Variants in WDR70 observed in about 807,000 individuals in gnomAD.
WDR70 encodes the protein WD repeat-containing protein 70.
Under a neutral mutation model 88.6 loss-of-function variants are expected in WDR70, and 53 were observed. That is an observed-to-expected ratio of 0.60 (90% CI 0.48 to 0.75). The LOEUF (loss-of-function observed/expected upper bound fraction) is 0.75, where lower values mean the gene tolerates loss of function less well. WDR70 is among the 30% of genes least tolerant of loss of function. The probability of loss-of-function intolerance (pLI) is 0.00; values close to 1 mark genes in which losing one functional copy is unlikely to be tolerated. For synonymous variants in WDR70, 280 were observed against 270.0 expected (o/e 1.04, Z -0.36); for missense variants, 610 against 823.2 (o/e 0.74, Z 3.17).
intron 9 of WDR70, among the ~76,000 whole-genome samples, chr5:37,524,697 AAG>A (rs1263195358): frequency 6.6e-6 from 1 of 152,214 alleles, no homozygotes; most frequent in Non-Finnish European, 1.5e-5. Flanking sequence ...AAATTGGATA[AAG>A]AGTCAAGGCC....
At chr5:37,471,490 T>C (rs764675304) in intron 7 of WDR70, among the ~76,000 whole-genome samples, 1 of 151,876 alleles carries the variant, frequency 6.6e-6, no homozygotes, top group Non-Finnish European at 1.5e-5. Flanking sequence ...TAATAGATTT[T>C]AAAAATATGG....
intron 10 of WDR70, among the ~76,000 whole-genome samples, chr5:37,688,567 G>T (rs1746681621): frequency 6.6e-6 from 1 of 152,018 alleles, no homozygotes; most frequent in African/African-American, 2.4e-5. Flanking sequence ...TTAGAGTTTA[G>T]TAGTTGGTAA....
At chr5:37,392,141 C>T in intron 4 of WDR70, 21 bp downstream of exon 4, 1 of 1,593,138 alleles carries the variant, frequency 6.3e-7, no homozygotes, top group Non-Finnish European at 8.5e-7. Context: ...TTCAGAAAGA[C>T]TTCTATTAAA....
intron 8 of WDR70, among the ~76,000 whole-genome samples, chr5:37,492,872 G>A (rs755621061): frequency 1.3e-5 from 2 of 152,176 alleles, no homozygotes; most frequent in Non-Finnish European, 2.9e-5. Context: ...CTGAAAGCAT[G>A]GTATGGAGAA....
intron 7 of WDR70, among the ~76,000 whole-genome samples, chr5:37,450,179 G>C (rs1186008055): frequency 6.6e-6 from 1 of 152,108 alleles, no homozygotes; most frequent in African/African-American, 2.4e-5. Context: ...CCAAGTCTTT[G>C]CTATTGTGAA....
At chr5:37,752,199 G>A (rs1303741976) in intron 17 of WDR70, among the ~76,000 whole-genome samples, 2 of 152,156 alleles carry the variant, frequency 1.3e-5, no homozygotes, top group Non-Finnish European at 2.9e-5. Flanking sequence ...TAGGATGGGT[G>A]AAGTTCCACT....
intron 9 of WDR70, among the ~76,000 whole-genome samples, chr5:37,582,285 A>G (rs1303112881): frequency 2.0e-5 from 3 of 152,206 alleles, no homozygotes; most frequent in South Asian, 2.1e-4. Context: ...AAACCAAACT[A>G]TGAAAGCAAG....
At position 37,398,358 on chromosome 5, in the gene WDR70, G is replaced by GATT. The variant is rs564696240; in HGVS notation, c.492+1789_492+1790insTTA. Reference sequence around the variant, plus strand: ...CCGCCTCGGCCTCCCAAAGTGCTGGGACAGGCGTGAGCCACTGCGCCCGGC... The same window carrying GATT: ...CCGCCTCGGCCTCCCAAAGTGCTGGGATTACAGGCGTGAGCCACTGCGCCCGGC... On this transcript the variant is annotated intron_variant, in intron 5 of 17. Transcript: ENST00000265107. Among the ~76,000 whole-genome samples, 6 of 152,146 alleles carry GATT rather than the reference G, an allele frequency of 3.9e-5. 1 individual carries two copies. Among genetic ancestry groups the GATT allele is most frequent in the Non-Finnish European group, 7.4e-5 (5 of 68,000 alleles).
At chr5:37,656,935 A>G (rs1053887926) in intron 10 of WDR70, among the ~76,000 whole-genome samples, 6 of 152,104 alleles carry the variant, frequency 3.9e-5, no homozygotes, top group African/African-American at 1.4e-4. Flanking sequence ...GCTGAGTTCC[A>G]TGGGGGCGGG....
chr5:37,509,785 G>A (rs1262984728), intron 8 of WDR70, among the ~76,000 whole-genome samples: 1 of 146,388 alleles, frequency 6.8e-6, no homozygotes, highest in Non-Finnish European at 1.5e-5. Context: ...CAGCCCTATA[G>A]ATTCTTTTTT....
chr5:37,589,862 A>G (rs1042259009), intron 9 of WDR70, among the ~76,000 whole-genome samples: 1 of 152,158 alleles, frequency 6.6e-6, no homozygotes, highest in Admixed American at 6.5e-5. Flanking sequence ...TTGGTCTTGC[A>G]GAGTGCAGGG....
intron 8 of WDR70, among the ~76,000 whole-genome samples, chr5:37,497,247 T>C (rs1460961804): frequency 8.7e-6 from 1 of 114,626 alleles, no homozygotes; most frequent in Non-Finnish European, 1.7e-5. Flanking sequence ...CCTCCCTCCC[T>C]TTTCCCTTCC....
intron 10 of WDR70, among the ~76,000 whole-genome samples, chr5:37,609,195 A>G (rs186539656): frequency 8.5e-4 from 129 of 152,274 alleles, no homozygotes; most frequent in Non-Finnish European, 1.6e-3. Context: ...TTTTTGGTAT[A>G]TTCTTAATAT....
chr5:37,572,035 G>A lies in WDR70; in HGVS notation c.918-33029G>A, dbSNP rs149137974. 1.8e-3 allele frequency among the ~76,000 whole-genome samples: 276 copies of A among 152,236 alleles called. 1 individual carries two copies. Among genetic ancestry groups the A allele is most frequent in the Non-Finnish European group, 2.8e-3 (193 of 68,012 alleles). ...ATTCCCATGAAGGCCAGAAGGAGAA[G>A]CCAGTGATAACAGCTTCAGAAACTG... On this transcript the variant is annotated intron_variant, in intron 9 of 17. Coordinates refer to ENST00000265107, the MANE Select transcript of WDR70 (RefSeq NM_018034.4).
At chr5:37,427,038 A>T (rs1354300697) in intron 5 of WDR70, among the ~76,000 whole-genome samples, 3 of 152,168 alleles carry the variant, frequency 2.0e-5, no homozygotes, top group Non-Finnish European at 4.4e-5. Flanking sequence ...GGTCTCTGAA[A>T]GTTTTAGAAT....
chr5:37,666,653 A>G (rs1745851310), intron 10 of WDR70, among the ~76,000 whole-genome samples: 2 of 152,220 alleles, frequency 1.3e-5, no homozygotes, highest in Non-Finnish European at 2.9e-5. Flanking sequence ...GGGAAGAACA[A>G]GGGTGCTGCA....
At chr5:37,563,008 T>C (rs1402472718) in intron 9 of WDR70, among the ~76,000 whole-genome samples, 1 of 135,762 alleles carries the variant, frequency 7.4e-6, no homozygotes, top group South Asian at 2.6e-4. Context: ...GGCTCCTCAC[T>C]TCCCAGTAGG....
chr5:37,379,618 G>A, intron 2 of WDR70, 64 bp downstream of exon 2: 13 of 1,566,094 alleles, frequency 8.3e-6, no homozygotes, highest in South Asian at 1.1e-5. Flanking sequence ...CCGCAGAGTG[G>A]GAGTGGAGAT....
At chr5:37,557,960 A>AAAACTCTTCAAAAGAGTACTC (rs1561900824) in intron 9 of WDR70, among the ~76,000 whole-genome samples, 1 of 17,814 alleles carries the variant, frequency 5.6e-5, no homozygotes, top group African/African-American at 1.8e-4. Flanking sequence ...AAAGAGTATT[A>AAAACTCTTCAAAAGAGTACTC]TGTATATTTA....
Sources: gnomAD v4.1 joint callset for allele counts (sites outside exome capture counted in the v4.1 genomes callset) on GRCh38, gnomAD v4.1.1 for gene constraint, MANE v1.5 for transcripts, NCBI Gene and HGNC (gene_info 2026-07-23, HGNC 2026-07-21) for gene names.